The following CEP112 variants were observed in gnomAD, a reference collection of about 807,000 sequenced individuals.
CEP112 encodes the protein centrosomal protein of 112 kDa.
A neutral mutation model predicts 153.0 loss-of-function variants in CEP112; 127 were observed. The observed-to-expected ratio is 0.83, with a 90% CI of 0.72 to 0.96. The LOEUF (loss-of-function observed/expected upper bound fraction) is 0.96. CEP112 is among the 40% of genes least tolerant of loss of function. The pLI is 0.00. For synonymous variants in CEP112, 358 were observed against 374.4 expected (o/e 0.96, Z 0.51); for missense variants, 1,089 against 1,101.2 (o/e 0.99, Z 0.16).
intron 18 of CEP112, among the ~76,000 whole-genome samples, chr17:65,953,858 G>A (rs2061919020): frequency 6.6e-6 from 1 of 152,150 alleles, no homozygotes; most frequent in African/African-American, 2.4e-5. Context: ...CCACCTAGTG[G>A]TCTTTCTCTG....
chr17:65,668,044 C>T (rs1251642795), intron 24 of CEP112, among the ~76,000 whole-genome samples: 1 of 152,006 alleles, frequency 6.6e-6, no homozygotes, highest in Admixed American at 6.5e-5. Flanking sequence ...TTACAAGTGC[C>T]CACCACCATG....
chr17:65,888,559 A>G (rs2059362603), intron 20 of CEP112, among the ~76,000 whole-genome samples: 1 of 151,984 alleles, frequency 6.6e-6, no homozygotes, highest in South Asian at 2.1e-4. Flanking sequence ...GGAATTATCT[A>G]TTCAGGTATC....
intron 19 of CEP112, among the ~76,000 whole-genome samples, chr17:65,916,163 TTCAC>T (rs2060471239): frequency 6.6e-6 from 1 of 151,890 alleles, no homozygotes; most frequent in Non-Finnish European, 1.5e-5. Context: ...AAGTAGCCCT[TTCAC>T]TCACAAACAC....
intron 6 of CEP112, among the ~76,000 whole-genome samples, chr17:66,098,604 C>T (rs957957329): frequency 6.6e-6 from 1 of 152,064 alleles, no homozygotes; most frequent in Non-Finnish European, 1.5e-5. Context: ...TAGCAATAGA[C>T]AGGATATAAA....
At chr17:65,703,037 G>A (rs984876428) in intron 23 of CEP112, among the ~76,000 whole-genome samples, 3 of 152,122 alleles carry the variant, frequency 2.0e-5, no homozygotes, top group African/African-American at 7.2e-5. Flanking sequence ...AAAAACATAT[G>A]ATACATCAGG....
At chr17:65,879,046 C>T (rs2058955984) in intron 20 of CEP112, among the ~76,000 whole-genome samples, 2 of 152,166 alleles carry the variant, frequency 1.3e-5, no homozygotes, top group African/African-American at 4.8e-5. Flanking sequence ...ATTTACACAA[C>T]AAATCACTAT....
intron 5 of CEP112, among the ~76,000 whole-genome samples, chr17:66,131,541 AC>A (rs2070164769): frequency 6.6e-6 from 1 of 151,994 alleles, no homozygotes; most frequent in Non-Finnish European, 1.5e-5. Flanking sequence ...GGAGATCAAG[AC>A]CATCCTGACT....
At chr17:65,735,383 C>T (rs754015779) in intron 23 of CEP112, among the ~76,000 whole-genome samples, 1 of 152,102 alleles carries the variant, frequency 6.6e-6, no homozygotes, top group Non-Finnish European at 1.5e-5. Context: ...CATCCTACTT[C>T]AGTATGCAGC....
rs1568313848 is a variant in CEP112, at chr17:65,970,396, G to GCACACATCATGCATGTAAATTA, written c.1737-8799_1737-8798insTAATTTACATGCATGATGTGTG. Among the ~76,000 whole-genome samples the GCACACATCATGCATGTAAATTA allele has an allele frequency of 9.9e-3, 31 of 3,138 alleles. 1 individual carries two copies. The highest frequency in any genetic ancestry group is 0.12 in the South Asian group (1 of 8). 2.1% of individuals were successfully genotyped at this position (3,138 alleles called of 152,430 possible). On this transcript the variant is annotated intron_variant, in intron 17 of 26. Coordinates refer to ENST00000535342, the MANE Select transcript of CEP112 (RefSeq NM_001199165.4). ...CACACATCATGCATATATATTACAT[G>GCACACATCATGCATGTAAATTA]CATGCACACATCATGCATGTATATT...
chr17:65,824,736 G>C (rs192766451), intron 21 of CEP112, among the ~76,000 whole-genome samples: 74 of 152,220 alleles, frequency 4.9e-4, no homozygotes, highest in African/African-American at 1.7e-3. Flanking sequence ...GAGTTGTCTG[G>C]GAGTGGGTAC....
intron 8 of CEP112, among the ~76,000 whole-genome samples, chr17:66,076,955 C>T (rs575972908): frequency 6.6e-6 from 1 of 152,236 alleles, no homozygotes; most frequent in East Asian, 1.9e-4. Context: ...AGAGAGATAA[C>T]CATCACTTGC....
At chr17:66,057,092 A>G (rs2066722060) in intron 11 of CEP112, among the ~76,000 whole-genome samples, 1 of 152,172 alleles carries the variant, frequency 6.6e-6, no homozygotes, top group South Asian at 2.1e-4. Context: ...CACTAGAGTG[A>G]TTTAAACATG....
intron 9 of CEP112, 139 bp from the exon 10 acceptor site, chr17:66,067,016 AACACACACACACACACACACACACAC>A (rs60964018): frequency 3.9e-6 from 1 of 255,346 alleles, no homozygotes; most frequent in African/African-American, 2.3e-5. Flanking sequence ...TGAAATTATA[AACACACACACACACACACACACACAC>A]ACACACACAC....
intron 12 of CEP112, among the ~76,000 whole-genome samples, chr17:66,033,941 A>AT (rs1220994808): frequency 9.9e-5 from 15 of 151,712 alleles, no homozygotes; most frequent in African/African-American, 2.2e-4. Context: ...TTATATGCAG[A>AT]TTTTTTTTTC....
intron 18 of CEP112, among the ~76,000 whole-genome samples, chr17:65,931,649 A>G (rs537254335): frequency 1.3e-5 from 2 of 152,340 alleles, no homozygotes; most frequent in East Asian, 3.9e-4. Flanking sequence ...AACAAATAGC[A>G]TCACTGAGCA....
At chr17:65,814,206 C>A (rs1056027675) in intron 21 of CEP112, among the ~76,000 whole-genome samples, 4 of 152,170 alleles carry the variant, frequency 2.6e-5, no homozygotes, top group African/African-American at 9.7e-5. Context: ...CTAGAACTCA[C>A]ATCTCTTGTG....
At chr17:66,174,015 G>A (rs934729563) in intron 4 of CEP112, among the ~76,000 whole-genome samples, 11 of 152,062 alleles carry the variant, frequency 7.2e-5, no homozygotes, top group African/African-American at 1.7e-4. Context: ...TGCAAGCTCC[G>A]CCTCCTGGGT....
At chr17:65,921,328 C>G (rs1291323313) in intron 19 of CEP112, among the ~76,000 whole-genome samples, 1 of 151,886 alleles carries the variant, frequency 6.6e-6, no homozygotes. Context: ...TTGTAGAGCT[C>G]ACTACTGTAT....
intron 17 of CEP112, among the ~76,000 whole-genome samples, chr17:65,963,442 A>C (rs920041485): frequency 1.3e-5 from 2 of 152,180 alleles, no homozygotes; most frequent in African/African-American, 4.8e-5. Flanking sequence ...CTAAGACACA[A>C]AAATTTCTAG....
Sources: gnomAD v4.1 joint callset for allele counts (sites outside exome capture counted in the v4.1 genomes callset) on GRCh38, gnomAD v4.1.1 for gene constraint, MANE v1.5 for transcripts, NCBI Gene and HGNC (gene_info 2026-07-23, HGNC 2026-07-21) for gene names.